SND1: variants seen among roughly 807,000 people sequenced by gnomAD.
The protein encoded by SND1 is staphylococcal nuclease domain-containing protein 1.
Under a neutral mutation model 121.7 loss-of-function variants are expected in SND1, and 38 were observed. The observed-to-expected ratio is 0.31, with a 90% CI of 0.24 to 0.41. The LOEUF (loss-of-function observed/expected upper bound fraction) is 0.41. Ranked by LOEUF, SND1 falls within the 10% of genes least tolerant of loss-of-function variation. The pLI is 1.00. For missense variants in SND1, 868 were observed against 1,184.6 expected (o/e 0.73, Z 3.92); for synonymous variants, 401 against 447.4 (o/e 0.90, Z 1.31).
chr7:128,040,993 A>G (rs958920830), intron 16 of SND1, among the ~76,000 whole-genome samples: 22 of 152,204 alleles, frequency 1.4e-4, no homozygotes, highest in African/African-American at 5.1e-4. Flanking sequence ...GTTCCTTGGC[A>G]AGTTCATTTG....
chr7:127,661,644 A>G lies in SND1; in HGVS notation c.78+9193A>G, dbSNP rs553510605. Among the ~76,000 whole-genome samples, 14 of 152,310 alleles carry G rather than the reference A, an allele frequency of 9.2e-5. 2 individuals carry two copies. In the South Asian group the frequency reaches 2.9e-3, roughly 32 times the overall value. ...TACGAAGTCCTTATGATTAGGGGTC[A>G]CATTTACAGTTCCCTTGATGGCCTT... On this transcript the variant is annotated intron_variant, in intron 1 of 23. Coordinates refer to ENST00000354725, the MANE Select transcript of SND1 (RefSeq NM_014390.4).
At chr7:127,680,916 G>A (rs994930749) in intron 1 of SND1, among the ~76,000 whole-genome samples, 2 of 152,062 alleles carry the variant, frequency 1.3e-5, no homozygotes, top group Non-Finnish European at 1.5e-5. Flanking sequence ...AATTATAAAA[G>A]TATTAATTTG....
At chr7:127,876,026 A>G (rs894952496) in intron 12 of SND1, among the ~76,000 whole-genome samples, 6 of 152,126 alleles carry the variant, frequency 3.9e-5, no homozygotes, top group Non-Finnish European at 8.8e-5. Flanking sequence ...AGATCAAATG[A>G]GTTAATAAAT....
chr7:127,693,058 G>T (rs1046986236), intron 2 of SND1, among the ~76,000 whole-genome samples: 1 of 152,196 alleles, frequency 6.6e-6, no homozygotes, highest in Non-Finnish European at 1.5e-5. Flanking sequence ...AAAGCTCTAT[G>T]TTACTGAATT....
chr7:127,945,568 G>A (rs1313108119), intron 15 of SND1, among the ~76,000 whole-genome samples: 2 of 152,080 alleles, frequency 1.3e-5, no homozygotes, highest in South Asian at 2.1e-4. Flanking sequence ...AGCCACAGCA[G>A]CCCTGCAATC....
At chr7:128,030,766 G>A (rs1792565721) in intron 16 of SND1, 7 of 1,234,002 alleles carry the variant, frequency 5.7e-6, no homozygotes, top group Non-Finnish European at 7.8e-6. Context: ...GGGAGGGGGC[G>A]ATTAGAGAGA....
chr7:127,769,174 G>A (rs953192961), intron 10 of SND1, among the ~76,000 whole-genome samples: 2 of 152,138 alleles, frequency 1.3e-5, no homozygotes, highest in African/African-American at 4.8e-5. Context: ...AATGTTAGCT[G>A]CTGGCGTAGA....
chr7:127,920,095 G>A (rs1265037770), intron 14 of SND1, among the ~76,000 whole-genome samples: 1 of 152,014 alleles, frequency 6.6e-6, no homozygotes, highest in Non-Finnish European at 1.5e-5. Context: ...CAAAAATATA[G>A]TACATTACTA....
chr7:127,757,727 G>T (rs1797222485), intron 10 of SND1, among the ~76,000 whole-genome samples: 2 of 152,260 alleles, frequency 1.3e-5, no homozygotes, highest in African/African-American at 2.4e-5. Flanking sequence ...GAATTGGGTT[G>T]TTCATCCTTT....
Position 127,652,242 on chromosome 7 carries a change from C to T in SND1, c.-132C>T. The T allele has an allele frequency of 6.5e-6, 5 of 774,830 alleles. No homozygotes were observed. The highest frequency in any genetic ancestry group is 1.1e-5 in the Non-Finnish European group (5 of 442,230). The allele number at this position is 774,830 out of a possible 1,614,324, so 48.0% of individuals were successfully genotyped here. On this transcript the variant is annotated 5_prime_UTR_variant, in exon 1 of 24. Coordinates refer to ENST00000354725, the MANE Select transcript of SND1 (RefSeq NM_014390.4). ...CTGCTCCTGTGAGCGCCCGGCGAGT[C>T]CGTCCCGTCCACCGTCCGCAGCTGG... is the stretch of plus-strand genomic sequence containing the variant.
chr7:127,786,778 G>A (rs1797820973), intron 10 of SND1, among the ~76,000 whole-genome samples: 1 of 152,064 alleles, frequency 6.6e-6, no homozygotes, highest in Admixed American at 6.5e-5. Flanking sequence ...CGTGTAGCTG[G>A]GACTACAGGC....
chr7:127,943,228 T>A (rs1801255117), intron 15 of SND1, among the ~76,000 whole-genome samples: 1 of 152,218 alleles, frequency 6.6e-6, no homozygotes, highest in Admixed American at 6.5e-5. Flanking sequence ...TGGAATCTAT[T>A]GATTCATAGT....
At chr7:127,986,829 G>T (rs995063416) in intron 15 of SND1, among the ~76,000 whole-genome samples, 1 of 152,222 alleles carries the variant, frequency 6.6e-6, no homozygotes, top group Admixed American at 6.5e-5. Context: ...CCCCATGGGG[G>T]ATCTGTCTTT....
intron 12 of SND1, among the ~76,000 whole-genome samples, chr7:127,845,426 T>A (rs1043962985): frequency 6.6e-6 from 1 of 152,246 alleles, no homozygotes; most frequent in African/African-American, 2.4e-5. Context: ...CAGGAGGCGC[T>A]CAGTATAGGC....
At chr7:127,905,840 A>G (rs1657860499) in intron 14 of SND1, among the ~76,000 whole-genome samples, 1 of 152,190 alleles carries the variant, frequency 6.6e-6, no homozygotes, top group African/African-American at 2.4e-5. Flanking sequence ...ATCTTAGCTT[A>G]GGCACTCAGG....
intron 16 of SND1, among the ~76,000 whole-genome samples, chr7:128,058,344 T>A (rs1736286591): frequency 6.6e-6 from 1 of 152,268 alleles, no homozygotes; most frequent in Non-Finnish European, 1.5e-5. Context: ...TTAAACCTTG[T>A]GAGGGAGATG....
chr7:127,982,474 ATCATTGAAAGAGCTT>A (rs1395037366), intron 15 of SND1, among the ~76,000 whole-genome samples: 1 of 152,148 alleles, frequency 6.6e-6, no homozygotes, highest in Non-Finnish European at 1.5e-5. Context: ...CTTTATTCTG[ATCATTGAAAGAGCTT>A]TAGCAGTGAC....
At chr7:127,934,756 A>C (rs776322821) in intron 15 of SND1, among the ~76,000 whole-genome samples, 19 of 152,200 alleles carry the variant, frequency 1.2e-4, no homozygotes, top group Non-Finnish European at 2.2e-4. Flanking sequence ...TGGAATATCC[A>C]TGAGAATGTT....
chr7:128,023,038 GA>G (rs1225455454), intron 16 of SND1, among the ~76,000 whole-genome samples: 3 of 152,154 alleles, frequency 2.0e-5, no homozygotes, highest in African/African-American at 7.2e-5. Flanking sequence ...TTCATGCCAT[GA>G]ATTTCGCACT....
Sources: gnomAD v4.1 joint callset for allele counts (sites outside exome capture counted in the v4.1 genomes callset) on GRCh38, gnomAD v4.1.1 for gene constraint, MANE v1.5 for transcripts, NCBI Gene and HGNC (gene_info 2026-07-23, HGNC 2026-07-21) for gene names.